Variants in DDA1 observed in about 807,000 individuals in gnomAD.
DDA1 encodes the protein DET1 and DDB1 associated 1.
Under a neutral mutation model 18.6 loss-of-function variants are expected in DDA1, and 3 were observed. That is an observed-to-expected ratio of 0.16 (90% CI 0.07 to 0.42). The LOEUF (loss-of-function observed/expected upper bound fraction) is 0.42. DDA1 is among the 10% of genes least tolerant of loss of function. DDA1 has a pLI of 0.99. For missense variants in DDA1, 105 were observed against 138.2 expected (o/e 0.76, Z 1.20); for synonymous variants, 52 against 54.0 (o/e 0.96, Z 0.17).
At position 17,314,151 on chromosome 19, in the gene DDA1, G is replaced by A. The variant is rs746520205; in HGVS notation, c.84+48G>A. 3.1e-6 allele frequency: 5 copies of A among 1,597,954 alleles called. No homozygotes were observed. The highest frequency in any genetic ancestry group is 1.1e-5 in the South Asian group (1 of 90,738). On this transcript the variant is annotated intron_variant, in intron 2 of 4. Transcript: ENST00000359866. The surrounding 1 kb of genome is among the most constrained non-coding windows in gnomAD (Gnocchi z 4.6). ...GGGAGGAATTGGTCACTTCCAGGGG[G>A]CCTGGGGGCAGCTTGTGTCCCCCGA...
chr19:17,310,412 C>T (rs986585690), intron 1 of DDA1, among the ~76,000 whole-genome samples: 1 of 152,146 alleles, frequency 6.6e-6, no homozygotes, highest in African/African-American at 2.4e-5. Flanking sequence ...GTTGAAATTC[C>T]TTCAGGGTTC....
intron 4 of DDA1, among the ~76,000 whole-genome samples, chr19:17,316,683 G>C (rs917776367): frequency 6.6e-6 from 1 of 151,556 alleles, no homozygotes; most frequent in African/African-American, 2.4e-5. Context: ...GACCATCCTG[G>C]CTAACATAGT....
At chr19:17,309,704 G>T in intron 1 of DDA1, 47 bp downstream of exon 1, 1 of 1,603,212 alleles carries the variant, frequency 6.2e-7, no homozygotes. Context: ...TAGACAAAAT[G>T]GCGCTGTGGT....
chr19:17,313,438 T>A (rs1449888850), intron 1 of DDA1, among the ~76,000 whole-genome samples: 1 of 42,882 alleles, frequency 2.3e-5, no homozygotes, highest in African/African-American at 7.1e-5. Flanking sequence ...AATGGCTTTT[T>A]TTTTTTTTTT....
chr19:17,319,782 C>A lies in DDA1; in HGVS notation c.*126C>A. ...GCCCATCCACACCCTGCGTCCACAC[C>A]ACTTCCAACCTCATAGGAGCCGATG... On this transcript the variant is annotated 3_prime_UTR_variant, in exon 5 of 5. Transcript: ENST00000359866. 1.5e-6 allele frequency: 1 copy of A among 682,148 alleles called. No individual in the cohort carries two copies. Among genetic ancestry groups the A allele is most frequent in the South Asian group, 1.8e-5 (1 of 54,500 alleles). The allele number at this position is 682,148 out of a possible 1,614,324, so 42.3% of individuals were successfully genotyped here.
rs1485236332 is a variant in DDA1 at position 17,314,015 on chromosome 19, T to C, written c.4-8T>C. The stretch of plus-strand genomic sequence containing the variant: ...GTTTTCTCATGTACCATCTTCCATG[T>C]CTTCTAGGCAGATTTTTTGAAAGGA... On this transcript the variant is annotated splice_region_variant and splice_polypyrimidine_tract_variant and intron_variant, in intron 1 of 4. Transcript: ENST00000359866. The surrounding 1 kb of genome is among the most constrained non-coding windows in gnomAD (Gnocchi z 4.6). 6.2e-7 allele frequency: 1 copy of C among 1,613,104 alleles called. No homozygotes were observed. Among genetic ancestry groups the C allele is most frequent in the East Asian group, 2.2e-5 (1 of 44,836 alleles).
chr19:17,309,744 C>T (rs1361245387), intron 1 of DDA1, 87 bp downstream of exon 1: 1 of 1,520,990 alleles, frequency 6.6e-7, no homozygotes, highest in Non-Finnish European at 8.9e-7. Flanking sequence ...CCCCTAGGCC[C>T]CTCTCCGTTC....
chr19:17,314,244 C>T lies in DDA1; in HGVS notation c.85-94C>T. 2 of 1,570,194 alleles carry T rather than the reference C, an allele frequency of 1.3e-6. No homozygotes were observed. The highest frequency in any genetic ancestry group is 1.8e-6 in the Non-Finnish European group (2 of 1,141,732). On this transcript the variant is annotated intron_variant, in intron 2 of 4. Coordinates refer to ENST00000359866, the MANE Select transcript of DDA1 (RefSeq NM_024050.6). The surrounding 1 kb of genome is among the most constrained non-coding windows in gnomAD (Gnocchi z 4.6). ...CCCATCCACATACTTGAGTGTCTTC[C>T]AATCTGCACTGAAGGGTGGGTGCTG...
At chr19:17,313,979 G>C in intron 1 of DDA1, 44 bp from the exon 2 acceptor site, 1 of 1,523,898 alleles carries the variant, frequency 6.6e-7, no homozygotes. Flanking sequence ...GGGATGAGCT[G>C]GCCCTTGCCT....
chr19:17,319,512 G>A (rs112204143), intron 4 of DDA1, 34 bp from the exon 5 acceptor site: 7 of 723,862 alleles, frequency 9.7e-6, no homozygotes, highest in Non-Finnish European at 1.2e-5. Flanking sequence ...CGAAAAAAAA[G>A]ACTCACAGCC....
intron 1 of DDA1, among the ~76,000 whole-genome samples, chr19:17,310,394 G>A (rs760129823): frequency 2.6e-5 from 4 of 151,780 alleles, no homozygotes; most frequent in Non-Finnish European, 5.9e-5. Flanking sequence ...CCACCTGGCT[G>A]TTGGAAGGTT....
intron 1 of DDA1, among the ~76,000 whole-genome samples, chr19:17,311,595 G>T (rs539762369): frequency 6.7e-6 from 1 of 149,588 alleles, no homozygotes; most frequent in Non-Finnish European, 1.5e-5. Flanking sequence ...TCTCCACTCT[G>T]TCTGTGAGCT....
intron 3 of DDA1, among the ~76,000 whole-genome samples, chr19:17,315,285 A>ACGTGTATATATATACACG (rs1568353926): frequency 7.2e-5 from 3 of 41,384 alleles, no homozygotes; most frequent in African/African-American, 5.1e-4. Context: ...ATATACACAC[A>ACGTGTATATATATACACG]CTATATATAT....
In DDA1 at chr19:17,315,431, T is replaced by TGCGC. The variant is rs35247114; in HGVS notation, c.137-503_137-502insGCGC. On this transcript the variant is annotated intron_variant, in intron 3 of 4. Transcript: ENST00000359866. ...ATACGTGTGTGTGTGTGTGTGTGCA[T>TGCGC]ATATATATATATATATATATATATT... 3.4e-4 allele frequency among the ~76,000 whole-genome samples: 33 copies of TGCGC among 98,494 alleles called. 1 individual carries two copies. Among genetic ancestry groups the TGCGC allele is most frequent in the Non-Finnish European group, 5.6e-4 (27 of 47,878 alleles). The allele number at this position is 98,494 out of a possible 152,430, so 64.6% of individuals were successfully genotyped here. A position where few individuals can be genotyped will look rare whatever the true frequency, so the allele number is the denominator to read the frequency against.
chr19:17,311,903 C>T (rs2074180717), intron 1 of DDA1, among the ~76,000 whole-genome samples: 1 of 152,094 alleles, frequency 6.6e-6, no homozygotes, highest in Admixed American at 6.6e-5. Context: ...TGAGGCCTCC[C>T]CCACCCCCTG....
chr19:17,314,543 G>C lies in DDA1; in HGVS notation c.136+154G>C. 9.6e-7 allele frequency: 1 copy of C among 1,040,150 alleles called. No individual in the cohort carries two copies. The highest frequency in any genetic ancestry group is 1.4e-6 in the Non-Finnish European group (1 of 706,466). 64.4% of individuals were successfully genotyped at this position (1,040,150 alleles called of 1,614,324 possible). A position where few individuals can be genotyped will look rare whatever the true frequency, so the allele number is the denominator to read the frequency against. ...GTCTACTGAATCCAGTTAAGTCAGG[G>C]AGGGCCTCCAGGGAGGTACAGGAGG... is the stretch of plus-strand genomic sequence containing the variant. On this transcript the variant is annotated intron_variant, in intron 3 of 4. Transcript: ENST00000359866. This position sits in a 1 kb window ranked among gnomAD's most constrained non-coding sequence, Gnocchi z 4.6.
rs1184753971 is a variant in DDA1 at position 17,314,974 on chromosome 19, C to T, written c.136+585C>T. On this transcript the variant is annotated intron_variant, in intron 3 of 4. Coordinates refer to ENST00000359866, the MANE Select transcript of DDA1 (RefSeq NM_024050.6). This position sits in a 1 kb window ranked among gnomAD's most constrained non-coding sequence, Gnocchi z 4.6. The stretch of plus-strand genomic sequence containing the variant: ...ACTCCACACCAGGTGGGGTAGCTCC[C>T]GCCTGTAATCCCAGCACTTTGGGAG... Among the ~76,000 whole-genome samples the T allele has an allele frequency of 2.6e-5, 4 of 151,708 alleles. No homozygotes were observed. Among genetic ancestry groups the T allele is most frequent in the Non-Finnish European group, 2.9e-5 (2 of 67,890 alleles).
chr19:17,318,258 G>T (rs1048699779), intron 4 of DDA1, among the ~76,000 whole-genome samples: 1 of 151,710 alleles, frequency 6.6e-6, no homozygotes, highest in African/African-American at 2.4e-5. Context: ...TGAGATGGAG[G>T]TTTGCTCTTG....
At chr19:17,309,829 T>C (rs1007326863) in intron 1 of DDA1, among the ~76,000 whole-genome samples, 172 bp downstream of exon 1, 1 of 151,618 alleles carries the variant, frequency 6.6e-6, no homozygotes, top group Non-Finnish European at 1.5e-5. Flanking sequence ...TACCGAGAGC[T>C]TCCTGCTGAT....
Sources: allele counts gnomAD v4.1 joint callset (sites outside exome capture counted in the v4.1 genomes callset), GRCh38; gene constraint gnomAD v4.1.1; non-coding constraint Gnocchi (gnomAD v3.1); transcripts MANE v1.5; gene names NCBI Gene and HGNC (gene_info 2026-07-23, HGNC 2026-07-21).